Variants in ANO3 observed in about 807,000 individuals in gnomAD.
ANO3 encodes anoctamin 3, also known as anoctamin-3.
ANO3 carries 99 observed loss-of-function variants against 144.8 expected under a neutral mutation model. The observed-to-expected ratio is 0.68, with a 90% confidence interval of 0.58 to 0.81. The LOEUF is 0.81. Among genes scored for constraint, ANO3 ranks in the 30% least tolerant of loss-of-function variants. The pLI is 0.00. For synonymous variants in ANO3, 414 were observed against 392.6 expected (o/e 1.05, Z -0.64); for missense variants, 905 against 1,202.2 (o/e 0.75, Z 3.66).
intron 1 of ANO3, among the ~76,000 whole-genome samples, chr11:26,263,491 T>C (rs1294765190): frequency 6.6e-6 from 1 of 152,196 alleles, no homozygotes. Flanking sequence ...AGAAAGCTGC[T>C]CCTTCCCAGT....
intron 17 of ANO3, among the ~76,000 whole-genome samples, chr11:26,623,326 G>C (rs1852476243): frequency 6.6e-6 from 1 of 152,160 alleles, no homozygotes; most frequent in Non-Finnish European, 1.5e-5. Flanking sequence ...CGTGCCAACA[G>C]GGAAGGTTAT....
intron 1 of ANO3, among the ~76,000 whole-genome samples, chr11:26,353,387 T>C (rs1855696702): frequency 6.6e-6 from 1 of 152,194 alleles, no homozygotes; most frequent in Admixed American, 6.5e-5. Flanking sequence ...ATGCAGCTAT[T>C]TCAATAGTTT....
At chr11:26,505,816 C>CAAAAAA (rs1344586478) in intron 4 of ANO3, among the ~76,000 whole-genome samples, 2 of 151,128 alleles carry the variant, frequency 1.3e-5, no homozygotes, top group Non-Finnish European at 1.5e-5. Flanking sequence ...ACTAAAAATC[C>CAAAAAA]AAAAAATAAA....
At chr11:26,198,116 AG>A (rs1330412299) in intron 1 of ANO3, among the ~76,000 whole-genome samples, 1 of 152,168 alleles carries the variant, frequency 6.6e-6, no homozygotes, top group African/African-American at 2.4e-5. Flanking sequence ...CCACCATAAG[AG>A]GCACATGTTA....
intron 1 of ANO3, among the ~76,000 whole-genome samples, chr11:26,440,259 T>C (rs1006179027): frequency 1.3e-5 from 2 of 152,144 alleles, no homozygotes; most frequent in African/African-American, 4.8e-5. Flanking sequence ...TATAAATTAT[T>C]CAGTCTCAGG....
intron 1 of ANO3, among the ~76,000 whole-genome samples, chr11:26,303,602 C>T (rs1854287553): frequency 6.6e-6 from 1 of 152,202 alleles, no homozygotes; most frequent in Admixed American, 6.5e-5. Context: ...GTACTATGCT[C>T]ACTACCTAGC....
At chr11:26,405,885 G>T (rs185773108) in intron 1 of ANO3, among the ~76,000 whole-genome samples, 3 of 151,906 alleles carry the variant, frequency 2.0e-5, no homozygotes. Context: ...ATCTCACTCT[G>T]AAATTTCATA....
intron 1 of ANO3, among the ~76,000 whole-genome samples, chr11:26,355,628 C>A (rs2133918090): frequency 6.6e-6 from 1 of 150,894 alleles, no homozygotes; most frequent in South Asian, 2.1e-4. Context: ...AGCATGATCT[C>A]AGCTCACTGC....
At chr11:26,628,286 G>A (rs186128593) in intron 18 of ANO3, among the ~76,000 whole-genome samples, 21 of 152,214 alleles carry the variant, frequency 1.4e-4, no homozygotes, top group African/African-American at 4.6e-4. Flanking sequence ...TGTTAAAATC[G>A]TAACACAAAG....
intron 1 of ANO3, among the ~76,000 whole-genome samples, chr11:26,360,749 T>C (rs1855904808): frequency 6.6e-6 from 1 of 152,210 alleles, no homozygotes; most frequent in Non-Finnish European, 1.5e-5. Context: ...ATTTTCTTTG[T>C]TACCTTATGT....
intron 1 of ANO3, among the ~76,000 whole-genome samples, chr11:26,232,530 G>C (rs1564927111): frequency 6.6e-6 from 1 of 152,086 alleles, no homozygotes; most frequent in Non-Finnish European, 1.5e-5. Context: ...CAAGCAATAG[G>C]GAAAGGATTC....
At chr11:26,385,903 T>TATATATATATATATATATATA (rs58078292) in intron 1 of ANO3, among the ~76,000 whole-genome samples, 142 of 148,848 alleles carry the variant, frequency 9.5e-4, no homozygotes, top group Non-Finnish European at 1.4e-3. Flanking sequence ...GTATATATAT[T>TATATATATATATATATATATA]TATATACATA....
At chr11:26,413,252 T>G (rs1857480812) in intron 1 of ANO3, among the ~76,000 whole-genome samples, 1 of 152,032 alleles carries the variant, frequency 6.6e-6, no homozygotes, top group Non-Finnish European at 1.5e-5. Flanking sequence ...TGCAAATTGT[T>G]ATTCTATCCT....
At chr11:26,333,793 C>A (rs1452879419) in intron 1 of ANO3, among the ~76,000 whole-genome samples, 1 of 152,120 alleles carries the variant, frequency 6.6e-6, no homozygotes, top group East Asian at 1.9e-4. Context: ...AAAAATTTCA[C>A]CTAGTATGCA....
rs955684397 is a variant in ANO3 at position 26,233,134 on chromosome 11, G to A, written c.154+43804G>A. ...CGGGAGGCTGAGGCAGGAGAATGGC[G>A]TGAACCCAGGAGGCAGAGCTTGCAG... is the stretch of plus-strand genomic sequence containing the variant. On this transcript the variant is annotated intron_variant, in intron 1 of 27. Coordinates refer to the ANO3 transcript ENST00000672621. Among the ~76,000 whole-genome samples the A allele has an allele frequency of 7.3e-5, 11 of 151,266 alleles. No homozygotes were observed. In the East Asian group the frequency reaches 7.8e-4, roughly 11 times the overall value.
chr11:26,322,630 G>C (rs1474271489), intron 1 of ANO3, among the ~76,000 whole-genome samples: 1 of 152,012 alleles, frequency 6.6e-6, no homozygotes, highest in African/African-American at 2.4e-5. Context: ...GTTTTGGGGA[G>C]GTACACAGAA....
intron 1 of ANO3, among the ~76,000 whole-genome samples, chr11:26,227,962 T>G (rs748379354): frequency 1.3e-5 from 2 of 152,186 alleles, no homozygotes; most frequent in Non-Finnish European, 2.9e-5. Flanking sequence ...TTTAAAAACT[T>G]AAGCCTACCT....
chr11:26,272,933 G>A (rs572107618), intron 1 of ANO3, among the ~76,000 whole-genome samples: 4 of 152,096 alleles, frequency 2.6e-5, no homozygotes, highest in East Asian at 1.9e-4. Context: ...GTACATGCTC[G>A]ATACTTAACA....
chr11:26,622,946 G>GCT, intron 17 of ANO3, among the ~76,000 whole-genome samples: 1 of 152,204 alleles, frequency 6.6e-6, no homozygotes, highest in South Asian at 2.1e-4. Flanking sequence ...TATTTTTTGG[G>GCT]CAATTGAATC....
Sources: allele counts gnomAD v4.1 joint callset (sites outside exome capture counted in the v4.1 genomes callset), GRCh38; gene constraint gnomAD v4.1.1; transcripts MANE v1.5; gene names NCBI Gene and HGNC (gene_info 2026-07-23, HGNC 2026-07-21).